The following MAP4K3 variants were observed in gnomAD, a reference collection of about 807,000 sequenced individuals.
The protein encoded by MAP4K3 is MAPK/ERK kinase kinase kinase 3.
A neutral mutation model predicts 143.5 loss-of-function variants in MAP4K3; 94 were observed. The ratio of observed to expected loss-of-function variants is 0.65; its 90% CI spans 0.55 to 0.78. The LOEUF (loss-of-function observed/expected upper bound fraction) is 0.78. Ranked by LOEUF, MAP4K3 falls within the 30% of genes least tolerant of loss-of-function variation. The pLI, the probability that MAP4K3 is intolerant of heterozygous loss-of-function variation, is 0.00. For synonymous variants in MAP4K3, 416 were observed against 347.2 expected, an observed-to-expected ratio of 1.20 and a Z score of -2.20; for missense variants, 1,077 against 1,068.1, an observed-to-expected ratio of 1.01 and a Z score of -0.12.
At chr2:39,277,662 T>C (rs1436782212) in intron 24 of MAP4K3, among the ~76,000 whole-genome samples, 4 of 151,976 alleles carry the variant, frequency 2.6e-5, no homozygotes, top group Non-Finnish European at 5.9e-5. Flanking sequence ...CCTCCCGGGT[T>C]CAAGTGACTC....
At chr2:39,386,491 C>G (rs1490501296) in intron 1 of MAP4K3, among the ~76,000 whole-genome samples, 1 of 152,182 alleles carries the variant, frequency 6.6e-6, no homozygotes, top group African/African-American at 2.4e-5. Context: ...AACTCCAGGT[C>G]ACAAATATTT....
intron 1 of MAP4K3, among the ~76,000 whole-genome samples, chr2:39,420,706 C>T (rs373069193): frequency 5.7e-4 from 86 of 152,176 alleles, no homozygotes; most frequent in African/African-American, 1.9e-3. Context: ...AGACATCATG[C>T]CCGGCCGCCA....
intron 31 of MAP4K3, among the ~76,000 whole-genome samples, chr2:39,257,394 A>G (rs1284126266): frequency 6.6e-6 from 1 of 152,238 alleles, no homozygotes; most frequent in Non-Finnish European, 1.5e-5. Context: ...AGCAGCAGAC[A>G]CAACAGCCAA....
chr2:39,251,707 T>A (rs1485124737), intron 33 of MAP4K3, 123 bp downstream of exon 33: 9 of 749,402 alleles, frequency 1.2e-5, no homozygotes, highest in Non-Finnish European at 2.0e-5. Flanking sequence ...ATTCTTATAG[T>A]GTGAAAAATT....
chr2:39,393,335 C>A (rs1666718611), intron 1 of MAP4K3, among the ~76,000 whole-genome samples: 1 of 152,170 alleles, frequency 6.6e-6, no homozygotes, highest in Non-Finnish European at 1.5e-5. Context: ...ACATATTCTA[C>A]CCAATAAAAT....
At chr2:39,392,328 A>G (rs766977490) in intron 1 of MAP4K3, among the ~76,000 whole-genome samples, 2 of 152,170 alleles carry the variant, frequency 1.3e-5, no homozygotes, top group African/African-American at 4.8e-5. Flanking sequence ...CATATTTTTT[A>G]ATTCAAAAAA....
intron 1 of MAP4K3, chr2:39,436,605 T>C (rs533153344): frequency 1.2e-3 from 545 of 454,150 alleles, no homozygotes; most frequent in Non-Finnish European, 1.7e-3. Flanking sequence ...GGATGAGCAG[T>C]GTGGCCTGCT....
At position 39,336,873 on chromosome 2, in the gene MAP4K3, A is replaced by G. The variant is rs990698085; in HGVS notation, c.414+47T>C. ...TTGCTCAAAACAATTTGATCAGAGT[A>G]TTTAAAAATGAAGAGAGGGTTATTA... On this transcript the variant is annotated intron_variant, in intron 6 of 33. Transcript: ENST00000263881. 3 of 812,722 alleles carry G rather than the reference A, an allele frequency of 3.7e-6. No individual in the cohort carries two copies. In the African/African-American group the frequency reaches 5.4e-5, roughly 15 times the overall value. The allele number at this position is 812,722 out of a possible 1,614,324, so 50.3% of individuals were successfully genotyped here. A position where few individuals can be genotyped will look rare whatever the true frequency, so the allele number is the denominator to read the frequency against.
At chr2:39,305,801 C>T (rs1395422184) in intron 15 of MAP4K3, among the ~76,000 whole-genome samples, 3 of 151,632 alleles carry the variant, frequency 2.0e-5, no homozygotes, top group Middle Eastern at 3.2e-3. Context: ...AGGCTAGTTC[C>T]ACATGTGGCA....
chr2:39,389,899 T>C (rs1051022935), intron 1 of MAP4K3, among the ~76,000 whole-genome samples: 1 of 152,168 alleles, frequency 6.6e-6, no homozygotes, highest in Non-Finnish European at 1.5e-5. Flanking sequence ...TCTATGCAAT[T>C]TTTAAAAAAC....
intron 1 of MAP4K3, among the ~76,000 whole-genome samples, chr2:39,397,049 A>G (rs1666829086): frequency 6.6e-6 from 1 of 152,224 alleles, no homozygotes; most frequent in Non-Finnish European, 1.5e-5. Context: ...ACAATAAATG[A>G]CAACTTTTCA....
At chr2:39,420,213 A>C (rs750762486) in intron 1 of MAP4K3, among the ~76,000 whole-genome samples, 3 of 152,206 alleles carry the variant, frequency 2.0e-5, no homozygotes, top group Non-Finnish European at 4.4e-5. Context: ...TCAATCTTTC[A>C]CTACTCTTAT....
chr2:39,307,400 G>C (rs1203428201), intron 15 of MAP4K3, among the ~76,000 whole-genome samples: 3 of 151,958 alleles, frequency 2.0e-5, no homozygotes, highest in Non-Finnish European at 4.4e-5. Context: ...AGACATGATA[G>C]TAATGCTGAA....
chr2:39,336,238 C>T (rs537574300), intron 6 of MAP4K3, among the ~76,000 whole-genome samples: 6 of 151,844 alleles, frequency 4.0e-5, no homozygotes, highest in African/African-American at 7.3e-5. Flanking sequence ...TTTAGGAGGC[C>T]GAGGTGGGAT....
In MAP4K3 at chr2:39,288,175, C is replaced by T. The variant is rs776013468; in HGVS notation, c.1420G>A (p.Val474Ile). 1 of 1,614,096 alleles carries T rather than the reference C, an allele frequency of 6.2e-7. No individual in the cohort carries two copies. Reference sequence around the variant, plus strand: ...CTGGGAGGTGGTGGTCTAGGTGGAACTTGGGATGGCTTTGCTGGGCTCCCT... The same window carrying T: ...CTGGGAGGTGGTGGTCTAGGTGGAATTTGGGATGGCTTTGCTGGGCTCCCT... ...MSGSPAKPSQ[V>I]PPRPPPPRLP... The change falls in exon 20 of 34, where the codon GTT (valine) becomes ATT (isoleucine). Residue 474 changes from valine to isoleucine, a missense_variant. Transcript: ENST00000263881.
intron 2 of MAP4K3, among the ~76,000 whole-genome samples, chr2:39,358,552 T>C (rs917722445): frequency 6.6e-6 from 1 of 152,222 alleles, no homozygotes; most frequent in African/African-American, 2.4e-5. Context: ...GAAATACTAC[T>C]GATCCAAAGT....
At chr2:39,293,360 T>G in intron 16 of MAP4K3, 92 bp from the exon 17 acceptor site, 1 of 836,692 alleles carries the variant, frequency 1.2e-6, no homozygotes. Flanking sequence ...TAACCATACA[T>G]TTTTTGAATG....
At chr2:39,384,831 T>G (rs550820276) in intron 1 of MAP4K3, among the ~76,000 whole-genome samples, 3 of 152,294 alleles carry the variant, frequency 2.0e-5, no homozygotes, top group Non-Finnish European at 4.4e-5. Context: ...AACACATATA[T>G]TAGATTATGT....
At chr2:39,323,871 T>C (rs1192400973) in intron 12 of MAP4K3, 2 of 152,184 alleles carry the variant, frequency 1.3e-5, no homozygotes, top group Non-Finnish European at 2.9e-5. Flanking sequence ...TACTATTTTT[T>C]CACATTTCTA....
Sources: allele counts gnomAD v4.1 joint callset (sites outside exome capture counted in the v4.1 genomes callset), GRCh38; gene constraint gnomAD v4.1.1; transcripts MANE v1.5; gene names NCBI Gene and HGNC (gene_info 2026-07-23, HGNC 2026-07-21).